DENND5A: variants seen among roughly 807,000 people sequenced by gnomAD.
The protein encoded by DENND5A is DENN domain-containing protein 5A.
A neutral mutation model predicts 140.3 loss-of-function variants in DENND5A; 64 were observed. The observed-to-expected ratio is 0.46, with a 90% CI of 0.37 to 0.56. DENND5A has a LOEUF of 0.56. DENND5A is among the 20% of genes least tolerant of loss of function. The probability of loss-of-function intolerance (pLI) is 0.00; values close to 1 mark genes in which losing one functional copy is unlikely to be tolerated. For missense variants in DENND5A, 1,292 were observed against 1,593.8 expected, an observed-to-expected ratio of 0.81 and a Z score of 3.22; for synonymous variants, 605 against 607.7, an observed-to-expected ratio of 1.00 and a Z score of 0.07.
intron 8 of DENND5A, among the ~76,000 whole-genome samples, chr11:9,174,102 C>CAAAAAAAAAAAAAAAAAAAAAAAAAAA (rs57703622): frequency 7.1e-5 from 3 of 42,150 alleles, no homozygotes; most frequent in Non-Finnish European, 1.2e-4. Flanking sequence ...GACTCCGTCT[C>CAAAAAAAAAAAAAAAAAAAAAAAAAAA]AAAAAAAAAA....
intron 1 of DENND5A, among the ~76,000 whole-genome samples, chr11:9,260,586 A>G (rs1852154377): frequency 6.6e-6 from 1 of 152,212 alleles, no homozygotes; most frequent in South Asian, 2.1e-4. Flanking sequence ...CATATCCTCA[A>G]GGTGGCTAAA....
chr11:9,257,074 C>T (rs946568162), intron 1 of DENND5A, among the ~76,000 whole-genome samples: 4 of 151,690 alleles, frequency 2.6e-5, no homozygotes, highest in African/African-American at 9.7e-5. Context: ...GCAGTGGCGC[C>T]ATCTCGGCTC....
chr11:9,145,480 T>C, intron 17 of DENND5A, 190 bp downstream of exon 17: 1 of 665,448 alleles, frequency 1.5e-6, no homozygotes, highest in South Asian at 1.9e-5. Context: ...AAACATTGTT[T>C]AGACAGGGTG....
At chr11:9,143,008 C>T (rs993404797) in intron 20 of DENND5A, 163 bp from the exon 21 acceptor site, 41 of 819,938 alleles carry the variant, frequency 5.0e-5, no homozygotes, top group Non-Finnish European at 7.1e-5. Context: ...CTCAGAGCAG[C>T]TCCCAGTGAA....
At chr11:9,184,873 G>C (rs547519570) in intron 5 of DENND5A, among the ~76,000 whole-genome samples, 333 of 152,196 alleles carry the variant, frequency 2.2e-3, no homozygotes, top group South Asian at 3.9e-3. Flanking sequence ...TTATCTTTAA[G>C]GTGTCTTTTT....
chr11:9,199,652 T>C (rs1849459555), intron 4 of DENND5A, among the ~76,000 whole-genome samples: 1 of 152,224 alleles, frequency 6.6e-6, no homozygotes, highest in African/African-American at 2.4e-5. Flanking sequence ...CAATTCAGCA[T>C]TCCAAAGGGT....
At chr11:9,196,651 C>T (rs1849340082) in intron 4 of DENND5A, among the ~76,000 whole-genome samples, 1 of 152,064 alleles carries the variant, frequency 6.6e-6, no homozygotes, top group Non-Finnish European at 1.5e-5. Flanking sequence ...TGCTCTGTCG[C>T]CCAGGCTGGA....
intron 8 of DENND5A, among the ~76,000 whole-genome samples, chr11:9,173,472 A>ACTTCC (rs1337604471): frequency 6.6e-6 from 1 of 152,234 alleles, no homozygotes; most frequent in African/African-American, 2.4e-5. Flanking sequence ...ATAGATGACA[A>ACTTCC]TAGCACGTCG....
chr11:9,244,846 G>C (rs373387991), intron 1 of DENND5A, among the ~76,000 whole-genome samples: 4 of 151,980 alleles, frequency 2.6e-5, no homozygotes, highest in East Asian at 1.9e-4. Context: ...GCTAATGTTT[G>C]TATCTTTATT....
intron 1 of DENND5A, among the ~76,000 whole-genome samples, chr11:9,246,895 C>T (rs1439930868): frequency 6.6e-6 from 1 of 152,136 alleles, no homozygotes; most frequent in East Asian, 1.9e-4. Flanking sequence ...CACAATTTTG[C>T]CTGCAGCTCC....
intron 11 of DENND5A, among the ~76,000 whole-genome samples, chr11:9,161,314 C>T (rs1461965116): frequency 6.6e-6 from 1 of 151,768 alleles, no homozygotes; most frequent in East Asian, 1.9e-4. Context: ...CGCCACTGCA[C>T]TCCAGCCTGG....
chr11:9,219,418 G>A (rs577248117), intron 1 of DENND5A, among the ~76,000 whole-genome samples: 1 of 152,192 alleles, frequency 6.6e-6, no homozygotes, highest in Admixed American at 6.5e-5. Context: ...AAATTCTGTG[G>A]GAAAATTATT....
intron 5 of DENND5A, among the ~76,000 whole-genome samples, chr11:9,189,274 G>A (rs574500406): frequency 6.6e-6 from 1 of 152,356 alleles, no homozygotes; most frequent in South Asian, 2.1e-4. Context: ...TTTTTGCAGA[G>A]GTACGGAAAT....
At chr11:9,229,137 G>GA (rs1564927956) in intron 1 of DENND5A, among the ~76,000 whole-genome samples, 2 of 151,944 alleles carry the variant, frequency 1.3e-5, no homozygotes, top group Admixed American at 6.6e-5. Context: ...AACTGAATTG[G>GA]AAAAAAATAA....
chr11:9,217,988 G>A (rs1850161514), intron 1 of DENND5A, among the ~76,000 whole-genome samples: 1 of 152,158 alleles, frequency 6.6e-6, no homozygotes, highest in Non-Finnish European at 1.5e-5. Flanking sequence ...AACAAGGCTG[G>A]GCAGTGGCTC....
chr11:9,222,417 T>G (rs968760471), intron 1 of DENND5A, among the ~76,000 whole-genome samples: 7 of 152,222 alleles, frequency 4.6e-5, no homozygotes, highest in African/African-American at 9.6e-5. Flanking sequence ...TCATAAATGT[T>G]TGAAACCTTT....
intron 1 of DENND5A, among the ~76,000 whole-genome samples, chr11:9,249,925 G>GA (rs1358285554): frequency 6.6e-6 from 1 of 151,594 alleles, no homozygotes; most frequent in African/African-American, 2.4e-5. Context: ...GAGTTCCAGG[G>GA]ATCCTCCTAC....
intron 5 of DENND5A, 143 bp downstream of exon 5, chr11:9,193,351 T>C: frequency 1.8e-6 from 1 of 569,180 alleles, no homozygotes; most frequent in Non-Finnish European, 2.9e-6. Flanking sequence ...TCATTGTTTT[T>C]ACTTTTTTCC....
intron 5 of DENND5A, among the ~76,000 whole-genome samples, chr11:9,191,520 G>A (rs1344902411): frequency 5.3e-5 from 8 of 152,328 alleles, no homozygotes; most frequent in African/African-American, 9.6e-5. Flanking sequence ...GATTATAGGC[G>A]TGAGCCACCG....
Sources: allele counts gnomAD v4.1 joint callset (sites outside exome capture counted in the v4.1 genomes callset), GRCh38; gene constraint gnomAD v4.1.1; transcripts MANE v1.5; gene names NCBI Gene and HGNC (gene_info 2026-07-23, HGNC 2026-07-21).